The following E2F8 variants were observed in gnomAD, a reference collection of about 807,000 sequenced individuals.
E2F8 encodes the protein transcription factor E2F8.
E2F8 carries 35 observed loss-of-function variants against 80.8 expected under a neutral mutation model. The ratio of observed to expected loss-of-function variants is 0.43; its 90% CI spans 0.33 to 0.57. The LOEUF is 0.57. Among genes scored for constraint, E2F8 ranks in the 20% least tolerant of loss-of-function variants. The pLI is 0.04. For missense variants in E2F8, 975 were observed against 1,056.2 expected, an observed-to-expected ratio of 0.92 and a Z score of 1.07; for synonymous variants, 386 against 395.0, an observed-to-expected ratio of 0.98 and a Z score of 0.27.
chr11:19,236,202 T>A (rs1851513280), intron 4 of E2F8, among the ~76,000 whole-genome samples: 1 of 152,210 alleles, frequency 6.6e-6, no homozygotes, highest in Admixed American at 6.5e-5. Flanking sequence ...CCTGGAACCC[T>A]TCTCCCTGAT....
At chr11:19,227,319 G>A (rs1297287535) in intron 10 of E2F8, among the ~76,000 whole-genome samples, 2 of 152,166 alleles carry the variant, frequency 1.3e-5, no homozygotes, top group East Asian at 3.9e-4. Flanking sequence ...TGCAGGAAGA[G>A]AGAATTTTTA....
At chr11:19,239,360 G>A (rs567801847) in intron 2 of E2F8, among the ~76,000 whole-genome samples, 49 of 152,292 alleles carry the variant, frequency 3.2e-4, no homozygotes, top group South Asian at 2.3e-3. Context: ...GTACTGATCT[G>A]ACAATAGGCT....
intron 2 of E2F8, among the ~76,000 whole-genome samples, chr11:19,239,837 G>C (rs1485701129): frequency 6.6e-6 from 1 of 150,734 alleles, no homozygotes; most frequent in African/African-American, 2.4e-5. Flanking sequence ...TGAACAACTG[G>C]AATTCAGAAA....
chr11:19,236,503 T>C (rs1851522701), intron 4 of E2F8, among the ~76,000 whole-genome samples: 1 of 152,296 alleles, frequency 6.6e-6, no homozygotes, highest in Non-Finnish European at 1.5e-5. Context: ...TCCTACAACA[T>C]TGCCTGACAC....
At position 19,224,575 on chromosome 11, in the gene E2F8, G is replaced by T. The variant is rs1851178037; in HGVS notation, c.*83C>A. The T allele has an allele frequency of 7.0e-7, 1 of 1,431,986 alleles. No homozygotes were observed. The highest frequency in any genetic ancestry group is 9.6e-7 in the Non-Finnish European group (1 of 1,046,178). 88.7% of individuals were successfully genotyped at this position (1,431,986 alleles called of 1,614,324 possible). Reference sequence around the variant, plus strand: ...CCAACGTATTTACAGTATTTTCAGAGAATGTGTTCTCCAAATCAGTCTGTG... The same window carrying T: ...CCAACGTATTTACAGTATTTTCAGATAATGTGTTCTCCAAATCAGTCTGTG... On this transcript the variant is annotated 3_prime_UTR_variant, in exon 13 of 13. Coordinates refer to ENST00000250024, the MANE Select transcript of E2F8 (RefSeq NM_024680.4).
Position 19,238,053 on chromosome 11 carries a change from A to G in E2F8, c.95T>C (p.Leu32Ser). 6.2e-7 allele frequency: 1 copy of G among 1,614,232 alleles called. No homozygotes were observed. The highest frequency in any genetic ancestry group is 8.5e-7 in the Non-Finnish European group (1 of 1,180,034). ...GCCAAAGTCAGGCTGGATCTCTGCC[A>G]ACACGATATTTGCTGTGGTGGATTC... Reference protein sequence around the residue: ...LKESTTANIVLAEIQPDFGPL... With the variant: ...LKESTTANIVSAEIQPDFGPL... The change falls in exon 3 of 13, where the codon TTG becomes TCG. Residue 32 changes from leucine to serine, a missense_variant. Leu to Ser is a moderately radical substitution (Grantham distance 145, BLOSUM62 -2). Transcript: ENST00000250024.
Position 19,229,935 on chromosome 11 carries a change from G to A in E2F8, c.1412C>T (p.Pro471Leu). ...VQLARSGPCK[P>L]VAPLDPPVNA... ...CACTGGGGGGTCCAGAGGGGCTACT[G>A]GTTTGCAGGGTCCAGATCTTGCCAG... The change falls in exon 10 of 13, where the codon CCA (proline) becomes CTA (leucine). Residue 471 changes from proline (P) to leucine (L), a missense_variant. By Grantham distance (98) the Pro-to-Leu change is moderately conservative. Coordinates refer to ENST00000250024, the MANE Select transcript of E2F8 (RefSeq NM_024680.4). This position sits in a 1 kb window ranked among gnomAD's most constrained non-coding sequence, Gnocchi z 4.3. 2 of 1,613,992 alleles carry A rather than the reference G, an allele frequency of 1.2e-6. No individual in the cohort carries two copies. Among genetic ancestry groups the A allele is most frequent in the Non-Finnish European group, 1.7e-6 (2 of 1,179,986 alleles).
rs146850503 is a variant in E2F8, at chr11:19,224,719, G to A, written c.2543C>T (p.Ser848Phe). The stretch of plus-strand genomic sequence containing the variant: ...CTGTGGGACAAAGAGAGTTCCTAAG[G>A]AGGTTTTATTAGCACCCTCAAAATC... ...CMDFEGANKTSLGTLFVPQRK... is the reference protein window; with the variant it reads ...CMDFEGANKTFLGTLFVPQRK... The change falls in exon 13 of 13, where the codon TCC becomes TTC. Residue 848 changes from serine to phenylalanine, a missense_variant. By Grantham distance (155) the Ser-to-Phe change is radical (BLOSUM62 -2). Coordinates refer to ENST00000250024, the MANE Select transcript of E2F8 (RefSeq NM_024680.4). 2 of 1,614,194 alleles carry A rather than the reference G, an allele frequency of 1.2e-6. No individual in the cohort carries two copies. Among genetic ancestry groups the A allele is most frequent in the Non-Finnish European group, 1.7e-6 (2 of 1,180,036 alleles).
intron 5 of E2F8, 58 bp from the exon 6 acceptor site, chr11:19,234,579 A>C: frequency 6.3e-7 from 1 of 1,591,628 alleles, no homozygotes; most frequent in Non-Finnish European, 8.5e-7. Context: ...AGTGACTTCT[A>C]AAGTAACAAG....
At position 19,229,652 on chromosome 11, in the gene E2F8, C is replaced by T. The variant is rs1156983940; in HGVS notation, c.1695G>A (p.Lys565=). The T allele has an allele frequency of 6.2e-7, 1 of 1,614,204 alleles. No individual in the cohort carries two copies. Residue 565 remains lysine (K), a synonymous_variant, in exon 10 of 13, where the codon AAG becomes AAA. Coordinates refer to ENST00000250024, the MANE Select transcript of E2F8 (RefSeq NM_024680.4). The surrounding 1 kb of genome is among the most constrained non-coding windows in gnomAD (Gnocchi z 4.3). ...TGGCCTTTGAGGTATCATTGGCTGC[C>T]TTCTCAGTGGTGGCATCTGTGGAGT... ...SKDSTDATTE[K]AANDTSKASA... is the part of the protein sequence containing the mutation.
Position 19,230,719 on chromosome 11 carries a change from G to C in E2F8, c.1182C>G (p.His394Gln). 6.2e-7 allele frequency: 1 copy of C among 1,614,166 alleles called. No homozygotes were observed. Among genetic ancestry groups the C allele is most frequent in the Non-Finnish European group, 8.5e-7 (1 of 1,180,030 alleles). Residue 394 changes from histidine to glutamine, a missense_variant, in exon 8 of 13, where the codon CAC (histidine) becomes CAG (glutamine). Transcript: ENST00000250024. ...TCTTTACCAATTTGATAAGAGATGG[G>C]TGTCGAGTAAAGTTTGGTTTCCCAC... ...STRGKPNFTR[H>Q]PSLIKLVKSI... is the part of the protein sequence containing the mutation.
chr11:19,231,929 A>G lies in E2F8; in HGVS notation c.1066+305T>C, dbSNP rs1485013995. ...GAAGGGAAAATATCTCCCAATGTGC[A>G]TTAATTCAAAATAATAAAGCAGGAT... On this transcript the variant is annotated intron_variant, in intron 7 of 12. Coordinates refer to ENST00000250024, the MANE Select transcript of E2F8 (RefSeq NM_024680.4). 3.3e-5 allele frequency among the ~76,000 whole-genome samples: 5 copies of G among 152,212 alleles called. No individual in the cohort carries two copies. The East Asian group carries it at 7.7e-4, about 23-fold the overall frequency.
chr11:19,237,848 A>G lies in E2F8; in HGVS notation c.294+6T>C. The G allele has an allele frequency of 6.2e-7, 1 of 1,605,082 alleles. No individual in the cohort carries two copies. Among genetic ancestry groups the G allele is most frequent in the African/African-American group, 1.3e-5 (1 of 74,624 alleles). ...CCAGCCTCCAACCAGTCCTCTGAAAACCTACGTGTATACAGTCTTTGGCCT... is the reference window on the plus strand; with the variant it reads ...CCAGCCTCCAACCAGTCCTCTGAAAGCCTACGTGTATACAGTCTTTGGCCT... On this transcript the variant is annotated splice_donor_region_variant and intron_variant, in intron 3 of 12. Coordinates refer to ENST00000250024, the MANE Select transcript of E2F8 (RefSeq NM_024680.4).
intron 3 of E2F8, 113 bp downstream of exon 3, chr11:19,237,741 T>C (rs924334322): frequency 3.6e-6 from 5 of 1,396,496 alleles, no homozygotes; most frequent in Non-Finnish European, 3.9e-6. Context: ...AGGAAGTTAA[T>C]AACAGCCTTC....
At position 19,225,823 on chromosome 11, in the gene E2F8, G is replaced by A; in HGVS notation, c.1935C>T (p.Cys645=). The A allele has an allele frequency of 4.3e-6, 7 of 1,614,212 alleles. No individual in the cohort carries two copies. In the South Asian group the frequency reaches 6.6e-5, roughly 15 times the overall value. ...PSGYLIPLTQ[C]SSLGAESILS... is the part of the protein sequence containing the mutation. ...AAATGGACTCTGCCCCCAGGGATGAGCACTGCGTGAGAGGGATTAGGTATC... is the reference window on the plus strand; with the variant it reads ...AAATGGACTCTGCCCCCAGGGATGAACACTGCGTGAGAGGGATTAGGTATC... The change falls in exon 11 of 13, where the codon TGC becomes TGT. Residue 645 remains cysteine, a synonymous_variant. Transcript: ENST00000250024.
At position 19,238,022 on chromosome 11, in the gene E2F8, T is replaced by C. The variant is rs771951321; in HGVS notation, c.126A>G (p.Leu42=). 2.5e-6 allele frequency: 4 copies of C among 1,614,196 alleles called. 1 individual carries two copies. In the South Asian group the frequency reaches 4.4e-5, roughly 18 times the overall value. The change falls in exon 3 of 13, where the codon TTA becomes TTG. Residue 42 remains leucine, a synonymous_variant. Transcript: ENST00000250024. ...CTTCCTTGGGCTTGGTAGGTGTGGTTAAAGGGCCAAAGTCAGGCTGGATCT... is the reference window on the plus strand; with the variant it reads ...CTTCCTTGGGCTTGGTAGGTGTGGTCAAAGGGCCAAAGTCAGGCTGGATCT... ...LAEIQPDFGP[L]TTPTKPKEGS...
chr11:19,238,076 T>C lies in E2F8; in HGVS notation c.72A>G (p.Glu24=), dbSNP rs528812975. 5 of 1,614,220 alleles carry C rather than the reference T, an allele frequency of 3.1e-6. No individual in the cohort carries two copies. In the Admixed American group the frequency reaches 5.0e-5, roughly 16 times the overall value. Residue 24 remains glutamate (E), a synonymous_variant, in exon 3 of 13, where the codon GAA becomes GAG. Transcript: ENST00000250024. ...CCAACACGATATTTGCTGTGGTGGATTCTTTCAGAGGTGTTTTCATTAGTC... is the reference window on the plus strand; with the variant it reads ...CCAACACGATATTTGCTGTGGTGGACTCTTTCAGAGGTGTTTTCATTAGTC... ...KRGLMKTPLK[E]STTANIVLAE...
chr11:19,235,181 T>C, intron 4 of E2F8, 123 bp from the exon 5 acceptor site: 1 of 856,616 alleles, frequency 1.2e-6, no homozygotes, highest in South Asian at 1.8e-5. Context: ...TAACTGTAAG[T>C]GAACATACTC....
At position 19,237,612 on chromosome 11, in the gene E2F8, G is replaced by T. The variant is rs1436774326; in HGVS notation, c.295-142C>A. On this transcript the variant is annotated intron_variant, in intron 3 of 12. Coordinates refer to ENST00000250024, the MANE Select transcript of E2F8 (RefSeq NM_024680.4). ...AAAGTCTGGATGGGAGAAAAGGTTAGGGGGGCCAGTACAAAATGCTTGGCA... is the reference window on the plus strand; with the variant it reads ...AAAGTCTGGATGGGAGAAAAGGTTATGGGGGCCAGTACAAAATGCTTGGCA... 3.8e-6 allele frequency: 4 copies of T among 1,065,006 alleles called. No individual in the cohort carries two copies. In the South Asian group the frequency reaches 5.0e-5, roughly 13 times the overall value. The allele number at this position is 1,065,006 out of a possible 1,614,324, so 66.0% of individuals were successfully genotyped here.
Sources: gnomAD v4.1 joint callset for allele counts (sites outside exome capture counted in the v4.1 genomes callset) on GRCh38, gnomAD v4.1.1 for gene constraint, Gnocchi (gnomAD v3.1) non-coding constraint, MANE v1.5 for transcripts, NCBI Gene and HGNC (gene_info 2026-07-23, HGNC 2026-07-21) for gene names.